Variants in PCBD2 observed in about 807,000 individuals in gnomAD.
PCBD2 encodes the protein pterin-4-alpha-carbinolamine dehydratase 2.
Under a neutral mutation model 16.4 loss-of-function variants are expected in PCBD2, and 12 were observed. That is an observed-to-expected ratio of 0.73 (90% CI 0.47 to 1.19). PCBD2 has a LOEUF of 1.19. Among genes scored for constraint, PCBD2 ranks in the 50% most tolerant of loss-of-function variants. The pLI is 0.00. For synonymous variants in PCBD2, 58 were observed against 61.8 expected (o/e 0.94, Z 0.29); for missense variants, 138 against 156.8 (o/e 0.88, Z 0.64).
At chr5:134,949,451 G>C (rs76334219) in intron 2 of PCBD2, among the ~76,000 whole-genome samples, 3 of 152,016 alleles carry the variant, frequency 2.0e-5, no homozygotes, top group African/African-American at 4.8e-5. Context: ...CTCCTTTTAC[G>C]TATGGGGAAA....
intron 2 of PCBD2, among the ~76,000 whole-genome samples, chr5:134,922,443 T>A (rs1468608657): frequency 6.6e-6 from 1 of 152,160 alleles, no homozygotes; most frequent in Non-Finnish European, 1.5e-5. Context: ...TCCCACCTAT[T>A]TCTAGAAAGT....
intron 2 of PCBD2, among the ~76,000 whole-genome samples, chr5:134,913,743 C>T (rs1436170988): frequency 6.6e-6 from 1 of 151,978 alleles, no homozygotes. Context: ...TGATGGGGGT[C>T]TTATGGAGGT....
intron 2 of PCBD2, among the ~76,000 whole-genome samples, chr5:134,931,501 A>C (rs1751095187): frequency 6.6e-6 from 1 of 152,180 alleles, no homozygotes; most frequent in East Asian, 1.9e-4. Flanking sequence ...AGGTTGTTTC[A>C]TTGAAGCTTC....
intron 2 of PCBD2, among the ~76,000 whole-genome samples, chr5:134,921,244 G>C (rs896078325): frequency 6.6e-6 from 1 of 152,242 alleles, no homozygotes; most frequent in African/African-American, 2.4e-5. Context: ...GTTTTGCTGG[G>C]GAGGTGGCAC....
intron 2 of PCBD2, among the ~76,000 whole-genome samples, chr5:134,929,206 G>A (rs1561910846): frequency 6.6e-6 from 1 of 152,148 alleles, no homozygotes; most frequent in Admixed American, 6.5e-5. Context: ...AATGGAAAAA[G>A]GCTGTTGGCT....
At chr5:134,948,537 C>T (rs1751324723) in intron 2 of PCBD2, among the ~76,000 whole-genome samples, 1 of 151,972 alleles carries the variant, frequency 6.6e-6, no homozygotes, top group South Asian at 2.1e-4. Context: ...CCTGGGAATT[C>T]AGTAGAAATT....
intron 2 of PCBD2, among the ~76,000 whole-genome samples, chr5:134,917,790 C>CCGTG (rs1231543813): frequency 6.6e-6 from 1 of 152,186 alleles, no homozygotes; most frequent in Admixed American, 6.5e-5. Context: ...AGCAGTAGCA[C>CCGTG]CATATGTGAC....
At chr5:134,951,025 A>G (rs1010818855) in intron 2 of PCBD2, among the ~76,000 whole-genome samples, 5 of 152,174 alleles carry the variant, frequency 3.3e-5, no homozygotes, top group South Asian at 2.1e-4. Flanking sequence ...TGGGAACTTC[A>G]TTTGCATGTT....
intron 2 of PCBD2, among the ~76,000 whole-genome samples, chr5:134,940,304 C>A (rs553079419): frequency 6.6e-6 from 1 of 152,180 alleles, no homozygotes; most frequent in Non-Finnish European, 1.5e-5. Flanking sequence ...TAACTGCTGC[C>A]GTCCCTGCCG....
At chr5:134,927,411 A>G (rs1315849667) in intron 2 of PCBD2, 1 of 398,296 alleles carries the variant, frequency 2.5e-6, no homozygotes, top group African/African-American at 2.1e-5. Context: ...GAGACCGTAA[A>G]GAGGTATTTT....
At chr5:134,953,382 A>G (rs1234125538) in intron 2 of PCBD2, among the ~76,000 whole-genome samples, 2 of 148,810 alleles carry the variant, frequency 1.3e-5, no homozygotes, top group Non-Finnish European at 3.0e-5. Flanking sequence ...AGTATATCGT[A>G]TATATATATA....
At chr5:134,938,796 A>T (rs1030075539) in intron 2 of PCBD2, among the ~76,000 whole-genome samples, 1 of 152,238 alleles carries the variant, frequency 6.6e-6, no homozygotes, top group Non-Finnish European at 1.5e-5. Context: ...ATTAAAACTC[A>T]AACTATTTCC....
chr5:134,957,806 A>G (rs76869161), intron 2 of PCBD2, among the ~76,000 whole-genome samples: 2 of 152,380 alleles, frequency 1.3e-5, no homozygotes, highest in East Asian at 3.8e-4. Flanking sequence ...ATAATTCCAT[A>G]CATGGTCAAA....
intron 2 of PCBD2, among the ~76,000 whole-genome samples, chr5:134,922,196 GT>G (rs546919133): frequency 1.3e-5 from 2 of 152,208 alleles, no homozygotes; most frequent in African/African-American, 4.8e-5. Flanking sequence ...CAGTTCAGTG[GT>G]TTTTTTGTTT....
At position 134,931,365 on chromosome 5, in the gene PCBD2, G is replaced by A. The variant is rs181613717; in HGVS notation, c.216+20899G>A. Among the ~76,000 whole-genome samples the A allele has an allele frequency of 4.3e-3, 661 of 152,284 alleles. 3 individuals carry two copies. Among genetic ancestry groups the A allele is most frequent in the African/African-American group, 0.015 (633 of 41,550 alleles). ...ACTCTTAATATTGCATCATTTACCTGAAATGCAGCCAAATCAGTTTTCTTT... is the reference window on the plus strand; with the variant it reads ...ACTCTTAATATTGCATCATTTACCTAAAATGCAGCCAAATCAGTTTTCTTT... On this transcript the variant is annotated intron_variant, in intron 2 of 3. Transcript: ENST00000254908.
At chr5:134,907,623 G>A (rs1750712416) in intron 1 of PCBD2, among the ~76,000 whole-genome samples, 1 of 150,926 alleles carries the variant, frequency 6.6e-6, no homozygotes, top group African/African-American at 2.4e-5. Flanking sequence ...AATCTCTTTT[G>A]ATTTTTTTTT....
At position 134,934,021 on chromosome 5, in the gene PCBD2, T is replaced by C. The variant is rs1441372042; in HGVS notation, c.216+23555T>C. ...GGCTTGTTTAATTCAGGAAGAGTTA[T>C]TTCATAGGAAATTAAATCTTTGTAA... On this transcript the variant is annotated intron_variant, in intron 2 of 3. Transcript: ENST00000254908. 2.0e-5 allele frequency among the ~76,000 whole-genome samples: 3 copies of C among 152,238 alleles called. No homozygotes were observed. The East Asian group carries it at 5.8e-4, about 29-fold the overall frequency.
At chr5:134,932,796 C>G (rs1340254928) in intron 2 of PCBD2, among the ~76,000 whole-genome samples, 1 of 152,012 alleles carries the variant, frequency 6.6e-6, no homozygotes, top group Non-Finnish European at 1.5e-5. Flanking sequence ...TTCGGAGTTT[C>G]TTAAACTATG....
intron 2 of PCBD2, among the ~76,000 whole-genome samples, chr5:134,954,057 G>A (rs1483447959): frequency 1.3e-5 from 2 of 152,070 alleles, no homozygotes; most frequent in African/African-American, 2.4e-5. Flanking sequence ...TCCTGGGCTC[G>A]ACGGATCCCC....
Sources: gnomAD v4.1 joint callset for allele counts (sites outside exome capture counted in the v4.1 genomes callset) on GRCh38, gnomAD v4.1.1 for gene constraint, MANE v1.5 for transcripts, NCBI Gene and HGNC (gene_info 2026-07-23, HGNC 2026-07-21) for gene names.